The following SFMBT2 variants were observed in gnomAD, a reference collection of about 807,000 sequenced individuals.
The protein encoded by SFMBT2 is Scm like with four mbt domains 2, also known as scm-like with four MBT domains protein 2.
Under a neutral mutation model 110.1 loss-of-function variants are expected in SFMBT2, and 38 were observed. The ratio of observed to expected loss-of-function variants is 0.35; its 90% CI spans 0.27 to 0.45. The LOEUF (loss-of-function observed/expected upper bound fraction) is 0.45. Ranked by LOEUF, SFMBT2 falls within the 20% of genes least tolerant of loss-of-function variation. SFMBT2 has a pLI of 1.00. For missense variants in SFMBT2, 1,011 were observed against 1,094.9 expected (o/e 0.92, Z 1.08); for synonymous variants, 425 against 425.4 (o/e 1.00, Z 0.01).
At chr10:7,305,756 G>A (rs1369901040) in intron 4 of SFMBT2, among the ~76,000 whole-genome samples, 1 of 152,222 alleles carries the variant, frequency 6.6e-6, no homozygotes, top group Admixed American at 6.5e-5. Flanking sequence ...GAGGCAAGGC[G>A]ACAAAAGTAG....
chr10:7,176,457 G>A (rs1341357199), intron 16 of SFMBT2: 6 of 983,724 alleles, frequency 6.1e-6, no homozygotes, highest in Non-Finnish European at 6.0e-6. Context: ...GATGAGCGGT[G>A]CGGGATACAT....
intron 7 of SFMBT2, among the ~76,000 whole-genome samples, chr10:7,262,737 T>G (rs1483033036): frequency 6.6e-6 from 1 of 152,222 alleles, no homozygotes; most frequent in African/African-American, 2.4e-5. Flanking sequence ...ATCTGGATTT[T>G]GCGATTTTTA....
chr10:7,267,218 G>C (rs1158311751), intron 7 of SFMBT2, among the ~76,000 whole-genome samples: 1 of 152,136 alleles, frequency 6.6e-6, no homozygotes, highest in African/African-American at 2.4e-5. Context: ...TCCAGGAGGG[G>C]GCTCTGGAAG....
intron 16 of SFMBT2, among the ~76,000 whole-genome samples, chr10:7,185,629 A>G (rs184450630): frequency 9.2e-5 from 14 of 151,966 alleles, no homozygotes; most frequent in African/African-American, 3.2e-4. Flanking sequence ...TCCTACCAGG[A>G]TATTTCCTCT....
At chr10:7,371,949 T>C (rs12357201) in intron 2 of SFMBT2, among the ~76,000 whole-genome samples, 161 of 98,176 alleles carry the variant, frequency 1.6e-3, no homozygotes, top group African/African-American at 6.2e-3. Context: ...TTTTTTGAGA[T>C]GGAGTCTTGC....
chr10:7,397,765 G>A (rs569235484), intron 1 of SFMBT2, among the ~76,000 whole-genome samples: 14 of 152,332 alleles, frequency 9.2e-5, no homozygotes, highest in African/African-American at 2.9e-4. Context: ...AAGATGAAGC[G>A]CCGTGTTAAG....
rs753193740 is a variant in SFMBT2, at chr10:7,172,497, C to T, written c.2149G>A (p.Glu717Lys). Residue 717 changes from glutamate (E) to lysine (K), a missense_variant and splice_region_variant, in exon 18 of 21, where the codon GAG (glutamate) becomes AAG (lysine). By Grantham distance (56) the Glu-to-Lys change is moderately conservative. Coordinates refer to ENST00000397167, the MANE Select transcript of SFMBT2 (RefSeq NM_001387889.1). The surrounding 1 kb of genome is among the most constrained non-coding windows in gnomAD (Gnocchi z 4.6). ...CAGGTGCCCCGGGCAGAACATACCTCCCCCGAGCCCGCGGTGAAGTCCACG... is the reference window on the plus strand; with the variant it reads ...CAGGTGCCCCGGGCAGAACATACCTTCCCCGAGCCCGCGGTGAAGTCCACG... ...SAVDFTAGSG[E>K]ESEEEDADAM... 26 of 1,613,652 alleles carry T rather than the reference C, an allele frequency of 1.6e-5. No homozygotes were observed. Among genetic ancestry groups the T allele is most frequent in the Non-Finnish European group, 1.9e-5 (22 of 1,180,018 alleles).
chr10:7,173,406 A>G (rs1013114182), intron 17 of SFMBT2, among the ~76,000 whole-genome samples: 2 of 152,216 alleles, frequency 1.3e-5, no homozygotes, highest in Non-Finnish European at 2.9e-5. Context: ...GGACTCCCCC[A>G]GCTCTTGGTC....
At chr10:7,207,889 A>C (rs900488426) in intron 11 of SFMBT2, among the ~76,000 whole-genome samples, 5 of 152,224 alleles carry the variant, frequency 3.3e-5, no homozygotes, top group African/African-American at 1.2e-4. Context: ...GTCATTCATC[A>C]TTTTGAACTT....
intron 16 of SFMBT2, among the ~76,000 whole-genome samples, chr10:7,188,129 A>T (rs1036263916): frequency 2.0e-5 from 3 of 152,216 alleles, no homozygotes; most frequent in Non-Finnish European, 2.9e-5. Flanking sequence ...ACTTGACTCC[A>T]CGCCAACCCA....
chr10:7,354,087 CA>C (rs35454902), intron 4 of SFMBT2, among the ~76,000 whole-genome samples: 130 of 123,266 alleles, frequency 1.1e-3, no homozygotes, highest in Admixed American at 1.7e-3. Context: ...ACTCCCTCTC[CA>C]AAAAAAAAAA....
chr10:7,248,776 G>A (rs1278162037), intron 7 of SFMBT2, 127 bp from the exon 8 acceptor site: 1 of 736,800 alleles, frequency 1.4e-6, no homozygotes, highest in Non-Finnish European at 2.2e-6. Context: ...AACCTTCCCT[G>A]TTTCGAATTT....
intron 11 of SFMBT2, among the ~76,000 whole-genome samples, chr10:7,216,734 G>A (rs2762587): frequency 0.11 from 16,542 of 152,064 alleles, 924 homozygotes; most frequent in South Asian, 0.17. Context: ...CAAAATTCCC[G>A]CCACTCCCTA....
At chr10:7,274,341 A>G (rs965096777) in intron 7 of SFMBT2, among the ~76,000 whole-genome samples, 2 of 152,084 alleles carry the variant, frequency 1.3e-5, no homozygotes, top group Non-Finnish European at 2.9e-5. Flanking sequence ...AAAATCTAAA[A>G]ATTAGCTGAT....
intron 4 of SFMBT2, among the ~76,000 whole-genome samples, chr10:7,346,494 A>C (rs1021842052): frequency 5.9e-5 from 9 of 152,204 alleles, no homozygotes; most frequent in Non-Finnish European, 1.3e-4. Flanking sequence ...ATGCAAGGAA[A>C]AGTGCATCCC....
At chr10:7,380,916 G>A (rs1845401096) in intron 2 of SFMBT2, among the ~76,000 whole-genome samples, 1 of 151,950 alleles carries the variant, frequency 6.6e-6, no homozygotes, top group Admixed American at 6.6e-5. Context: ...AGGCACAGTG[G>A]GACACACCTG....
At chr10:7,294,460 A>ACAT (rs1010927505) in intron 4 of SFMBT2, among the ~76,000 whole-genome samples, 21 of 152,230 alleles carry the variant, frequency 1.4e-4, no homozygotes, top group African/African-American at 4.3e-4. Context: ...GTGCCCAGCT[A>ACAT]CATCTATTTC....
intron 2 of SFMBT2, among the ~76,000 whole-genome samples, chr10:7,381,576 T>A (rs1354015674): frequency 1.3e-5 from 2 of 152,212 alleles, no homozygotes; most frequent in Non-Finnish European, 2.9e-5. Context: ...TCTGAAGTGA[T>A]GTGTTGCTGC....
In SFMBT2 at chr10:7,397,891, C is replaced by A. The variant is rs142458465; in HGVS notation, c.-52+12970G>T. Among the ~76,000 whole-genome samples the A allele has an allele frequency of 4.5e-4, 68 of 152,356 alleles. No individual in the cohort carries two copies. In the East Asian group the frequency reaches 0.012, roughly 28 times the overall value. On this transcript the variant is annotated intron_variant, in intron 1 of 20. Coordinates refer to ENST00000397167, the MANE Select transcript of SFMBT2 (RefSeq NM_001387889.1). ...TCTCTCCCCCACTCTCACCAGCCAA[C>A]TAAGAAGAGACAAGCCCTGCCTCAT...
Sources: gnomAD v4.1 joint callset for allele counts (sites outside exome capture counted in the v4.1 genomes callset) on GRCh38, gnomAD v4.1.1 for gene constraint, Gnocchi (gnomAD v3.1) non-coding constraint, MANE v1.5 for transcripts, NCBI Gene and HGNC (gene_info 2026-07-23, HGNC 2026-07-21) for gene names.